Variants in FNBP4 observed in about 807,000 individuals in gnomAD.
The protein encoded by FNBP4 is formin-binding protein 4.
Under a neutral mutation model 119.3 loss-of-function variants are expected in FNBP4, and 34 were observed. That is an observed-to-expected ratio of 0.28 (90% CI 0.22 to 0.38). FNBP4 has a LOEUF of 0.38. FNBP4 is among the 10% of genes least tolerant of loss of function. The pLI, the probability that FNBP4 is intolerant of heterozygous loss-of-function variation, is 1.00. For synonymous variants in FNBP4, 462 were observed against 430.6 expected (o/e 1.07, Z -0.90); for missense variants, 1,112 against 1,228.9 (o/e 0.90, Z 1.42).
chr11:47,754,418 G>A, intron 3 of FNBP4, 110 bp downstream of exon 3: 2 of 1,014,262 alleles, frequency 2.0e-6, no homozygotes, highest in South Asian at 3.1e-5. Flanking sequence ...GTTGGAGGGA[G>A]AGGGAGAAAG....
chr11:47,731,699 A>C, intron 11 of FNBP4, 138 bp from the exon 12 acceptor site: 1 of 1,413,228 alleles, frequency 7.1e-7, no homozygotes. Context: ...AAAGGCAACA[A>C]AGAGCTTTGA....
At chr11:47,719,655 T>C (rs946886666) in intron 16 of FNBP4, among the ~76,000 whole-genome samples, 1 of 151,292 alleles carries the variant, frequency 6.6e-6, no homozygotes, top group Non-Finnish European at 1.5e-5. Flanking sequence ...AATGATGTAC[T>C]GAGAGTTAAG....
intron 9 of FNBP4, among the ~76,000 whole-genome samples, chr11:47,735,039 C>G (rs774451921): frequency 2.9e-5 from 4 of 138,106 alleles, no homozygotes; most frequent in African/African-American, 1.1e-4. Flanking sequence ...GTTAACAATA[C>G]CTGAAATTTG....
chr11:47,747,236 G>A (rs945552715), intron 6 of FNBP4, among the ~76,000 whole-genome samples: 1 of 151,898 alleles, frequency 6.6e-6, no homozygotes, highest in East Asian at 1.9e-4. Flanking sequence ...ACGAACTCTC[G>A]CTCTTCTTGC....
intron 12 of FNBP4, among the ~76,000 whole-genome samples, chr11:47,727,276 G>A (rs1345660882): frequency 6.8e-6 from 1 of 147,446 alleles, no homozygotes; most frequent in Non-Finnish European, 1.5e-5. Context: ...TTGTGACGGA[G>A]TCTCACTCTC....
intron 12 of FNBP4, among the ~76,000 whole-genome samples, chr11:47,730,962 T>A (rs2135104511): frequency 6.6e-6 from 1 of 152,256 alleles, no homozygotes; most frequent in African/African-American, 2.4e-5. Flanking sequence ...TTAGTGGAGG[T>A]GAGAAATGAG....
At chr11:47,727,216 G>A (rs2097562014) in intron 12 of FNBP4, among the ~76,000 whole-genome samples, 1 of 151,162 alleles carries the variant, frequency 6.6e-6, no homozygotes. Flanking sequence ...CAAATGACGA[G>A]CATTTTTAGA....
At position 47,734,894 on chromosome 11, in the gene FNBP4, AC is replaced by A. The variant is rs1480012355; in HGVS notation, c.1582-766del. Among the ~76,000 whole-genome samples, 5 of 151,336 alleles carry A rather than the reference AC, an allele frequency of 3.3e-5. No homozygotes were observed. The East Asian group carries it at 9.7e-4, about 29-fold the overall frequency. Reference sequence around the variant, plus strand: ...AGGCTGAGGCAGAAGAATTGCTTGAACCTGGGAGGTGGAGGTTGCAGTGAGC... The same window carrying A: ...AGGCTGAGGCAGAAGAATTGCTTGAACTGGGAGGTGGAGGTTGCAGTGAGC... On this transcript the variant is annotated intron_variant, in intron 9 of 16. Transcript: ENST00000263773.
intron 8 of FNBP4, among the ~76,000 whole-genome samples, 180 bp from the exon 9 acceptor site, chr11:47,736,920 T>C (rs1352065380): frequency 2.0e-5 from 3 of 151,880 alleles, no homozygotes; most frequent in Non-Finnish European, 4.4e-5. Context: ...CAAAAACAAT[T>C]CAGGGCCGGG....
intron 6 of FNBP4, among the ~76,000 whole-genome samples, chr11:47,749,042 T>C (rs2097596504): frequency 6.6e-6 from 1 of 152,040 alleles, no homozygotes; most frequent in Non-Finnish European, 1.5e-5. Context: ...AAGCATCACT[T>C]GAGCTCAGAG....
chr11:47,736,600 T>C lies in FNBP4; in HGVS notation c.1581+16A>G, dbSNP rs59205786. 247,618 of 1,550,152 alleles carry C rather than the reference T, an allele frequency of 0.16. 23,051 individuals carry two copies. The highest frequency in any genetic ancestry group is 0.36 in the East Asian group (16,001 of 44,188). On this transcript the variant is annotated intron_variant, in intron 9 of 16. Transcript: ENST00000263773. Reference sequence around the variant, plus strand: ...ATAATAAAAATTTGTCAAGTTGCATTAAGTAATATACATACTTTCAAATCC... The same window carrying C: ...ATAATAAAAATTTGTCAAGTTGCATCAAGTAATATACATACTTTCAAATCC...
chr11:47,746,613 C>T (rs2097590845), intron 6 of FNBP4, among the ~76,000 whole-genome samples: 1 of 151,992 alleles, frequency 6.6e-6, no homozygotes, highest in South Asian at 2.1e-4. Flanking sequence ...CTCCCAGGTT[C>T]AAGCTATTCT....
At chr11:47,737,906 C>G (rs1240849745) in intron 8 of FNBP4, among the ~76,000 whole-genome samples, 1 of 152,066 alleles carries the variant, frequency 6.6e-6, no homozygotes, top group Non-Finnish European at 1.5e-5. Flanking sequence ...GCCACCAAGC[C>G]TGGCTACTTT....
Position 47,720,917 on chromosome 11 carries a change from C to CA in FNBP4, c.2806-832dup, listed in dbSNP as rs1013792380. Among the ~76,000 whole-genome samples, 283 of 151,522 alleles carry CA rather than the reference C, an allele frequency of 1.9e-3. 3 individuals are homozygous for CA. The highest frequency in any genetic ancestry group is 6.7e-3 in the African/African-American group (278 of 41,320). ...AGGAGAATCGCTTCAACCCGGGAGT[C>CA]AGAGTTTGCAGTGAGCCAAGATTGC... On this transcript the variant is annotated intron_variant, in intron 15 of 16. Transcript: ENST00000263773.
At chr11:47,736,819 A>C in intron 8 of FNBP4, 79 bp from the exon 9 acceptor site, 2 of 1,258,976 alleles carry the variant, frequency 1.6e-6, no homozygotes, top group Non-Finnish European at 2.2e-6. Context: ...CATAGCAGAT[A>C]TCTGCAAAAG....
Position 47,720,054 on chromosome 11 carries a change from C to T in FNBP4, c.2838G>A (p.Leu946=). The change falls in exon 16 of 17, where the codon TTG becomes TTA. Residue 946 remains leucine, a synonymous_variant. Transcript: ENST00000263773. ...GCTGGATACTCTGCCACTTTTTTACCAAAGATGGCATTTTGGTCTTACTCT... is the reference window on the plus strand; with the variant it reads ...GCTGGATACTCTGCCACTTTTTTACTAAAGATGGCATTTTGGTCTTACTCT... The part of the protein sequence containing the change: ...AKKSKTKMPS[L]VKKWQSIQRE... 6.2e-7 allele frequency: 1 copy of T among 1,613,914 alleles called. No homozygotes were observed. Among genetic ancestry groups the T allele is most frequent in the African/African-American group, 1.3e-5 (1 of 75,024 alleles).
chr11:47,755,130 T>C (rs1258631743), intron 2 of FNBP4, among the ~76,000 whole-genome samples: 3 of 124,006 alleles, frequency 2.4e-5, no homozygotes, highest in Non-Finnish European at 5.0e-5. Context: ...TAAGACTCTG[T>C]CTCCGGGGGT....
In FNBP4 at chr11:47,746,080, C is replaced by T. The variant is rs2097589621; in HGVS notation, c.1221G>A (p.Leu407=). Residue 407 remains leucine, a synonymous_variant, in exon 7 of 17, where the codon CTG becomes CTA. Transcript: ENST00000263773. ...EEEEEQDTLE[L]ELVLERKKAE... is the part of the protein sequence containing the mutation. ...CTTTTTTCCTTTCCAAAACTAGCTC[C>T]AGTTCAAGGGTATCTTGTTCCTCTT... The T allele has an allele frequency of 6.3e-7, 1 of 1,593,524 alleles. No individual in the cohort carries two copies. The highest frequency in any genetic ancestry group is 1.2e-5 in the South Asian group (1 of 86,344).
At chr11:47,749,420 G>C (rs1229883942) in intron 6 of FNBP4, among the ~76,000 whole-genome samples, 2 of 152,016 alleles carry the variant, frequency 1.3e-5, no homozygotes, top group Non-Finnish European at 2.9e-5. Flanking sequence ...AGAAAAATTA[G>C]TCAGGCGTTG....
Sources: gnomAD v4.1 joint callset for allele counts (sites outside exome capture counted in the v4.1 genomes callset) on GRCh38, gnomAD v4.1.1 for gene constraint, MANE v1.5 for transcripts, NCBI Gene and HGNC (gene_info 2026-07-23, HGNC 2026-07-21) for gene names.